Variants in SLC7A5 observed in about 807,000 individuals in gnomAD.
SLC7A5 encodes the protein large neutral amino acids transporter small subunit 1.
SLC7A5 carries 23 observed loss-of-function variants against 50.2 expected under a neutral mutation model. The ratio of observed to expected loss-of-function variants is 0.46; its 90% CI spans 0.33 to 0.65. The LOEUF is 0.65. Among genes scored for constraint, SLC7A5 ranks in the 30% least tolerant of loss-of-function variants. SLC7A5 has a pLI of 0.02. For synonymous variants in SLC7A5, 393 were observed against 330.6 expected (o/e 1.19, Z -2.05); for missense variants, 578 against 684.4 (o/e 0.84, Z 1.73).
At chr16:87,846,329 C>G (rs1379543685) in intron 2 of SLC7A5, among the ~76,000 whole-genome samples, 1 of 152,260 alleles carries the variant, frequency 6.6e-6, no homozygotes, top group Non-Finnish European at 1.5e-5. Context: ...CAGCTCGAGG[C>G]CGAGCTGTGG....
Position 87,852,944 on chromosome 16 carries a change from G to A in SLC7A5, c.539-1095C>T, listed in dbSNP as rs117699772. Reference sequence around the variant, plus strand: ...TCCTCTGCTCACGAGGTTATCTGTCGCTGTCAGCAGCTTGAAATCTGCCAG... The same window carrying A: ...TCCTCTGCTCACGAGGTTATCTGTCACTGTCAGCAGCTTGAAATCTGCCAG... On this transcript the variant is annotated intron_variant, in intron 1 of 9. Coordinates refer to ENST00000261622, the MANE Select transcript of SLC7A5 (RefSeq NM_003486.7). The surrounding 1 kb of genome is among the most constrained non-coding windows in gnomAD (Gnocchi z 4.5). Among the ~76,000 whole-genome samples the A allele has an allele frequency of 0.035, 5,325 of 152,212 alleles. 123 individuals carry two copies. Among genetic ancestry groups the A allele is most frequent in the Middle Eastern group, 0.054 (16 of 294 alleles).
Position 87,840,448 on chromosome 16 carries a change from C to T in SLC7A5, c.796G>A (p.Glu266Lys). 1.2e-6 allele frequency: 2 copies of T among 1,612,596 alleles called. No homozygotes were observed. Among genetic ancestry groups the T allele is most frequent in the Non-Finnish European group, 1.7e-6 (2 of 1,178,580 alleles). The change falls in exon 4 of 10, where the codon GAA (glutamate) becomes AAA (lysine). Residue 266 changes from glutamate (E) to lysine (K), a missense_variant. Physicochemically the swap from Glu to Lys is moderately conservative, Grantham distance 56. Transcript: ENST00000261622. ...GWNYLNFVTE[E>K]MINPYRNLPL... ...ACGTACCTGTAGGGGTTGATCATTT[C>T]CTCTGTGACGAAATTCAAGTAATTC...
intron 8 of SLC7A5, 114 bp from the exon 9 acceptor site, chr16:87,834,705 G>T: frequency 9.1e-7 from 1 of 1,100,490 alleles, no homozygotes; most frequent in Non-Finnish European, 1.3e-6. Flanking sequence ...CTGACTTCCA[G>T]GTCACCAAGA....
chr16:87,868,588 G>A (rs1341782754), intron 1 of SLC7A5, among the ~76,000 whole-genome samples: 1 of 152,238 alleles, frequency 6.6e-6, no homozygotes, highest in Admixed American at 6.5e-5. Context: ...GGGGCCAACG[G>A]GAGGGTGGCA....
rs2054951876 is a variant in SLC7A5, at chr16:87,832,997, G to A, written c.1497C>T (p.Leu499=). Residue 499 remains leucine (L), a synonymous_variant, in exon 10 of 10, where the codon CTC becomes CTT. Transcript: ENST00000261622. This position sits in a 1 kb window ranked among gnomAD's most constrained non-coding sequence, Gnocchi z 4.6. ...ATGTCTCCTGGGGGACCACCTGCAT[G>A]AGCTTCTGACACAGGACGGTCGTGG... ...IFSTTVLCQK[L]MQVVPQET 6.2e-7 allele frequency: 1 copy of A among 1,613,952 alleles called. No homozygotes were observed. The highest frequency in any genetic ancestry group is 1.7e-5 in the Admixed American group (1 of 60,024).
intron 2 of SLC7A5, among the ~76,000 whole-genome samples, chr16:87,843,347 CTTTTTTTTTTTTTTTTTTTT>C (rs60307560): frequency 1.9e-4 from 12 of 63,320 alleles, no homozygotes; most frequent in Admixed American, 2.3e-4. Flanking sequence ...GCCTGAGTAA[CTTTTTTTTTTTTTTTTTTTT>C]TTTTTTTTTT....
At chr16:87,836,077 A>G (rs1400773264) in intron 8 of SLC7A5, among the ~76,000 whole-genome samples, 1 of 152,138 alleles carries the variant, frequency 6.6e-6, no homozygotes, top group African/African-American at 2.4e-5. Context: ...GGACGGGGAG[A>G]GTCCAGGAGA....
intron 2 of SLC7A5, among the ~76,000 whole-genome samples, chr16:87,849,821 T>G (rs1407011905): frequency 6.6e-6 from 1 of 152,106 alleles, no homozygotes; most frequent in Non-Finnish European, 1.5e-5. Context: ...CGGGCGACTC[T>G]GAGAATCCCT....
At chr16:87,855,691 G>A (rs2055308316) in intron 1 of SLC7A5, among the ~76,000 whole-genome samples, 1 of 152,118 alleles carries the variant, frequency 6.6e-6, no homozygotes, top group South Asian at 2.1e-4. Context: ...TACAAGCAAA[G>A]GGATGATCCC....
rs754358780 is a variant in SLC7A5 at position 87,851,785 on chromosome 16, G to A, written c.603C>T (p.Ala201=). The stretch of plus-strand genomic sequence containing the variant: ...GGGCCAGGGCCAGGAGCTTGGCGGC[G>A]GCAAAGGCATCCTGGACCCGGGTGG... ...KAATRVQDAF[A]AAKLLALALI... is the part of the protein sequence containing the mutation. The change falls in exon 2 of 10, where the codon GCC becomes GCT. Residue 201 remains alanine, a synonymous_variant. Coordinates refer to ENST00000261622, the MANE Select transcript of SLC7A5 (RefSeq NM_003486.7). 44 of 1,613,026 alleles carry A rather than the reference G, an allele frequency of 2.7e-5. No homozygotes were observed. Among genetic ancestry groups the A allele is most frequent in the South Asian group, 7.7e-5 (7 of 91,082 alleles).
At chr16:87,836,723 A>G in intron 7 of SLC7A5, 76 bp from the exon 8 acceptor site, 1 of 1,536,694 alleles carries the variant, frequency 6.5e-7, no homozygotes, top group South Asian at 1.1e-5. Context: ...GCCACCGGGG[A>G]CTGTCCAGCC....
rs1329514757 is a variant in SLC7A5, at chr16:87,851,869, C to T, written c.539-20G>A. 6.2e-6 allele frequency: 10 copies of T among 1,612,316 alleles called. No individual in the cohort carries two copies. The highest frequency in any genetic ancestry group is 1.3e-5 in the African/African-American group (1 of 74,870). The stretch of plus-strand genomic sequence containing the variant: ...GCAGCACTGTGGAGACAGAGGGCAG[C>T]GGTGAGTTCCACGGGCAGACAGACG... On this transcript the variant is annotated intron_variant, in intron 1 of 9. Coordinates refer to ENST00000261622, the MANE Select transcript of SLC7A5 (RefSeq NM_003486.7).
Position 87,853,656 on chromosome 16 carries a change from G to C in SLC7A5, c.539-1807C>G, listed in dbSNP as rs529581847. Among the ~76,000 whole-genome samples, 3 of 151,530 alleles carry C rather than the reference G, an allele frequency of 2.0e-5. No individual in the cohort carries two copies. The highest frequency in any genetic ancestry group is 1.9e-4 in the East Asian group (1 of 5,182). ...TGCCAGTCCCATTTCCTTATGGTTG[G>C]GGGGAGCACGACCATAAAAGAAACT... On this transcript the variant is annotated intron_variant, in intron 1 of 9. Transcript: ENST00000261622. This position sits in a 1 kb window ranked among gnomAD's most constrained non-coding sequence, Gnocchi z 4.4.
In SLC7A5 at chr16:87,861,917, G is replaced by GCTCTT. The variant is rs2055403528; in HGVS notation, c.538+6967_538+6968insAAGAG. On this transcript the variant is annotated intron_variant, in intron 1 of 9. Coordinates refer to ENST00000261622, the MANE Select transcript of SLC7A5 (RefSeq NM_003486.7). This position sits in a 1 kb window ranked among gnomAD's most constrained non-coding sequence, Gnocchi z 4.2. ...GGCACTTTCATGTGCGGCTGGGAAAGTCAGATTTCAGCACTAATCACTGGC... is the reference window on the plus strand; with the variant it reads ...GGCACTTTCATGTGCGGCTGGGAAAGCTCTTTCAGATTTCAGCACTAATCACTGGC... Among the ~76,000 whole-genome samples the GCTCTT allele has an allele frequency of 6.6e-6, 1 of 152,232 alleles. No individual in the cohort carries two copies. Among genetic ancestry groups the GCTCTT allele is most frequent in the South Asian group, 2.1e-4 (1 of 4,832 alleles).
Position 87,852,111 on chromosome 16 carries a change from C to G in SLC7A5, c.539-262G>C, listed in dbSNP as rs942990955. Among the ~76,000 whole-genome samples, 1 of 152,202 alleles carries G rather than the reference C, an allele frequency of 6.6e-6. No individual in the cohort carries two copies. The highest frequency in any genetic ancestry group is 2.4e-5 in the African/African-American group (1 of 41,452). On this transcript the variant is annotated intron_variant, in intron 1 of 9. Transcript: ENST00000261622. The surrounding 1 kb of genome is among the most constrained non-coding windows in gnomAD (Gnocchi z 4.5). ...GATCTGCAAGGGACCTTTCCTCACC[C>G]CCCACCACACCAGGCCATGGAGTCC...
chr16:87,836,926 T>G, intron 7 of SLC7A5: 1 of 478,742 alleles, frequency 2.1e-6, no homozygotes. Context: ...ACATTTGGGT[T>G]AAGGACAGGT....
intron 2 of SLC7A5, among the ~76,000 whole-genome samples, chr16:87,848,390 C>T (rs1446429547): frequency 6.6e-6 from 1 of 152,236 alleles, no homozygotes; most frequent in Non-Finnish European, 1.5e-5. Flanking sequence ...TCCCACCCTC[C>T]GCCCTGCAGG....
chr16:87,839,884 G>A (rs2055062132), intron 4 of SLC7A5, 59 bp from the exon 5 acceptor site: 1 of 1,609,746 alleles, frequency 6.2e-7, no homozygotes, highest in Non-Finnish European at 8.5e-7. Flanking sequence ...GCCAAACCCT[G>A]TGCCCAGGAG....
At chr16:87,855,212 T>A (rs1567498585) in intron 1 of SLC7A5, among the ~76,000 whole-genome samples, 1 of 152,064 alleles carries the variant, frequency 6.6e-6, no homozygotes. Flanking sequence ...GCCCTGCTGC[T>A]CAGAGCTGGG....
Sources: gnomAD v4.1 joint callset for allele counts (sites outside exome capture counted in the v4.1 genomes callset) on GRCh38, gnomAD v4.1.1 for gene constraint, Gnocchi (gnomAD v3.1) non-coding constraint, MANE v1.5 for transcripts, NCBI Gene and HGNC (gene_info 2026-07-23, HGNC 2026-07-21) for gene names.